The following TSPAN18 variants were observed in gnomAD, a reference collection of about 807,000 sequenced individuals.
The protein encoded by TSPAN18 is tetraspanin-18.
Under a neutral mutation model 27.3 loss-of-function variants are expected in TSPAN18, and 14 were observed. The observed-to-expected ratio is 0.51, with a 90% CI of 0.34 to 0.80. The LOEUF (loss-of-function observed/expected upper bound fraction) is 0.80, where lower values mean the gene tolerates loss of function less well. Among genes scored for constraint, TSPAN18 ranks in the 30% least tolerant of loss-of-function variants. The probability of loss-of-function intolerance (pLI) is 0.01; values close to 1 mark genes in which losing one functional copy is unlikely to be tolerated. For missense variants in TSPAN18, 268 were observed against 323.9 expected (o/e 0.83, Z 1.32); for synonymous variants, 143 against 136.5 (o/e 1.05, Z -0.33).
chr11:44,853,485 G>T (rs902327649), intron 2 of TSPAN18, among the ~76,000 whole-genome samples: 1 of 152,170 alleles, frequency 6.6e-6, no homozygotes, highest in African/African-American at 2.4e-5. Context: ...GCCTTCCTCT[G>T]TGTCAGGTAC....
chr11:44,915,885 TGA>T (rs1182052749), intron 5 of TSPAN18, among the ~76,000 whole-genome samples: 1 of 152,106 alleles, frequency 6.6e-6, no homozygotes, highest in Non-Finnish European at 1.5e-5. Flanking sequence ...CGGTCCCCTG[TGA>T]GAGCAGAAGC....
intron 5 of TSPAN18, among the ~76,000 whole-genome samples, chr11:44,914,740 G>A (rs1859842840): frequency 6.6e-6 from 1 of 152,134 alleles, no homozygotes; most frequent in Non-Finnish European, 1.5e-5. Flanking sequence ...GTAAAATGGG[G>A]GTGTTGCTGA....
intron 2 of TSPAN18, among the ~76,000 whole-genome samples, chr11:44,785,684 G>A (rs975856914): frequency 6.6e-6 from 1 of 152,124 alleles, no homozygotes; most frequent in Non-Finnish European, 1.5e-5. Context: ...GCCTCCCCCT[G>A]CCCCTTTCCT....
intron 2 of TSPAN18, among the ~76,000 whole-genome samples, chr11:44,815,347 G>A (rs1249910471): frequency 6.6e-6 from 1 of 152,240 alleles, no homozygotes; most frequent in East Asian, 1.9e-4. Flanking sequence ...CCCAGAAGAT[G>A]ACTAAGAATG....
chr11:44,869,552 T>A (rs1858134557), intron 3 of TSPAN18, among the ~76,000 whole-genome samples: 1 of 152,182 alleles, frequency 6.6e-6, no homozygotes. Flanking sequence ...TCCAATAGTA[T>A]CAGCAGGATA....
chr11:44,804,197 G>A (rs985987663), intron 2 of TSPAN18, among the ~76,000 whole-genome samples: 3 of 152,032 alleles, frequency 2.0e-5, no homozygotes, highest in Non-Finnish European at 2.9e-5. Context: ...TCCACCTCCC[G>A]GGTTCAAGCG....
chr11:44,828,663 A>C (rs976199500), intron 2 of TSPAN18, among the ~76,000 whole-genome samples: 1 of 152,126 alleles, frequency 6.6e-6, no homozygotes, highest in East Asian at 1.9e-4. Flanking sequence ...TGGATGTCCC[A>C]TGGGTCCTTT....
intron 2 of TSPAN18, among the ~76,000 whole-genome samples, chr11:44,832,176 G>A (rs956090338): frequency 7.2e-5 from 11 of 152,156 alleles, no homozygotes; most frequent in Admixed American, 3.9e-4. Flanking sequence ...AGGCGACATC[G>A]CTCGACCCCA....
At chr11:44,818,143 G>A (rs563150365) in intron 2 of TSPAN18, among the ~76,000 whole-genome samples, 128 of 152,278 alleles carry the variant, frequency 8.4e-4, no homozygotes, top group Non-Finnish European at 4.3e-4. Flanking sequence ...TGGCCTGCAA[G>A]TCAGGATATC....
At chr11:44,889,138 G>C (rs1858759938) in intron 3 of TSPAN18, among the ~76,000 whole-genome samples, 2 of 152,202 alleles carry the variant, frequency 1.3e-5, no homozygotes, top group South Asian at 2.1e-4. Flanking sequence ...CCAGTTTCAT[G>C]TATTTCTTTA....
intron 2 of TSPAN18, among the ~76,000 whole-genome samples, chr11:44,856,589 T>C (rs1857745164): frequency 6.6e-6 from 1 of 152,200 alleles, no homozygotes; most frequent in Admixed American, 6.5e-5. Context: ...CGTCTTCTGT[T>C]GCCCATAATA....
Position 44,860,549 on chromosome 11 carries a change from C to T in TSPAN18, c.-11+80C>T, listed in dbSNP as rs191206437. ...TGTTGTTGTTGCTAAGGGTAACCAT[C>T]AGCAGGGCACCTGTCATTCTCTTTC... On this transcript the variant is annotated intron_variant, in intron 3 of 9. Coordinates refer to ENST00000520358, the MANE Select transcript of TSPAN18 (RefSeq NM_130783.5). 4.6e-5 allele frequency: 7 copies of T among 152,398 alleles called. No individual in the cohort carries two copies. The East Asian group carries it at 1.3e-3, about 29-fold the overall frequency. The allele number at this position is 152,398 out of a possible 1,614,324, so 9.4% of individuals were successfully genotyped here.
At position 44,908,765 on chromosome 11, in the gene TSPAN18, AAAG is replaced by A. The variant is rs1478477297; in HGVS notation, c.64-939_64-937del. 2.9e-4 allele frequency among the ~76,000 whole-genome samples: 24 copies of A among 82,418 alleles called. 1 individual carries two copies. Among genetic ancestry groups the A allele is most frequent in the African/African-American group, 1.1e-3 (24 of 21,838 alleles). The allele number at this position is 82,418 out of a possible 152,430, so 54.1% of individuals were successfully genotyped here. ...AAGAAAGAGAGAGAGAGAGAGAGAG[AAAG>A]GAGAAAGAAAGAAAGAAAGAAAGAA... On this transcript the variant is annotated intron_variant, in intron 4 of 9. Coordinates refer to ENST00000520358, the MANE Select transcript of TSPAN18 (RefSeq NM_130783.5).
chr11:44,914,616 A>G (rs1316017330), intron 5 of TSPAN18, among the ~76,000 whole-genome samples: 2 of 152,268 alleles, frequency 1.3e-5, no homozygotes, highest in Middle Eastern at 3.4e-3. Flanking sequence ...TAACATGGTG[A>G]TGAGAGGCTG....
rs569031437 is a variant in TSPAN18, at chr11:44,839,469, C to T, written c.-152-20859C>T. 1.1e-3 allele frequency among the ~76,000 whole-genome samples: 162 copies of T among 152,274 alleles called. 1 individual carries two copies. The highest frequency in any genetic ancestry group is 3.8e-3 in the African/African-American group (157 of 41,552). ...TCTCTGCATTCATCACTTTCCTTCC[C>T]ACAAGGAAAGAAAGTATATCCTCCT... On this transcript the variant is annotated intron_variant, in intron 2 of 9. Coordinates refer to ENST00000520358, the MANE Select transcript of TSPAN18 (RefSeq NM_130783.5).
At chr11:44,882,834 G>T (rs1858534258) in intron 3 of TSPAN18, among the ~76,000 whole-genome samples, 1 of 152,120 alleles carries the variant, frequency 6.6e-6, no homozygotes, top group African/African-American at 2.4e-5. Context: ...CAGACCCCCA[G>T]ACCCAAGGGC....
At chr11:44,788,135 AG>A (rs1323010846) in intron 2 of TSPAN18, among the ~76,000 whole-genome samples, 1 of 152,150 alleles carries the variant, frequency 6.6e-6, no homozygotes, top group Non-Finnish European at 1.5e-5. Context: ...TTCGGTACAC[AG>A]TTGGTGGTTG....
intron 2 of TSPAN18, among the ~76,000 whole-genome samples, chr11:44,823,190 G>A (rs1378733449): frequency 6.6e-6 from 1 of 152,176 alleles, no homozygotes; most frequent in Non-Finnish European, 1.5e-5. Context: ...TCAGCCCCAG[G>A]CCTACCACTA....
At chr11:44,877,887 C>G (rs187111125) in intron 3 of TSPAN18, among the ~76,000 whole-genome samples, 1 of 152,110 alleles carries the variant, frequency 6.6e-6, no homozygotes, top group African/African-American at 2.4e-5. Flanking sequence ...TGGCTCTCTT[C>G]TCTCCCTCTC....
Sources: gnomAD v4.1 joint callset for allele counts (sites outside exome capture counted in the v4.1 genomes callset) on GRCh38, gnomAD v4.1.1 for gene constraint, MANE v1.5 for transcripts, NCBI Gene and HGNC (gene_info 2026-07-23, HGNC 2026-07-21) for gene names.